NTN1: variants seen among roughly 807,000 people sequenced by gnomAD.
NTN1 encodes netrin-1.
Under a neutral mutation model 54.2 loss-of-function variants are expected in NTN1, and 11 were observed. The observed-to-expected ratio is 0.20, with a 90% confidence interval of 0.13 to 0.34. The LOEUF (loss-of-function observed/expected upper bound fraction) is 0.34. Ranked by LOEUF, NTN1 falls within the 10% of genes least tolerant of loss-of-function variation. The pLI is 1.00. For missense variants in NTN1, 740 were observed against 893.1 expected, an observed-to-expected ratio of 0.83 and a Z score of 2.18; for synonymous variants, 371 against 382.0, an observed-to-expected ratio of 0.97 and a Z score of 0.33.
chr17:9,209,725 C>T (rs532841463), intron 5 of NTN1, among the ~76,000 whole-genome samples: 1 of 152,212 alleles, frequency 6.6e-6, no homozygotes, highest in Non-Finnish European at 1.5e-5. Flanking sequence ...GGAAGAGGAC[C>T]CAGTGCTTCA....
intron 2 of NTN1, among the ~76,000 whole-genome samples, chr17:9,052,267 G>A (rs1361913809): frequency 6.6e-6 from 1 of 152,140 alleles, no homozygotes; most frequent in African/African-American, 2.4e-5. Flanking sequence ...CACCACTCCC[G>A]GCCCCAAAGG....
chr17:9,232,381 C>T (rs1196350355), intron 6 of NTN1, among the ~76,000 whole-genome samples: 1 of 152,210 alleles, frequency 6.6e-6, no homozygotes, highest in Non-Finnish European at 1.5e-5. Flanking sequence ...CAGAGCTGGA[C>T]AGGCCAGGCC....
At chr17:9,176,339 G>A (rs895490075) in intron 3 of NTN1, 3 of 152,412 alleles carry the variant, frequency 2.0e-5, no homozygotes, top group African/African-American at 7.2e-5. Context: ...GTATCTGTGT[G>A]TTTCTGGGAA....
At chr17:9,201,579 C>T (rs1469632609) in intron 5 of NTN1, among the ~76,000 whole-genome samples, 1 of 152,254 alleles carries the variant, frequency 6.6e-6, no homozygotes, top group Non-Finnish European at 1.5e-5. Context: ...GCCTCTCACA[C>T]ATATGGCCTC....
chr17:9,167,564 T>C (rs1311455557), intron 3 of NTN1, among the ~76,000 whole-genome samples: 1 of 152,180 alleles, frequency 6.6e-6, no homozygotes, highest in African/African-American at 2.4e-5. Flanking sequence ...CTTTCCCCCT[T>C]TCAAGCCCAC....
At chr17:9,095,348 T>TTA (rs1217075842) in intron 2 of NTN1, among the ~76,000 whole-genome samples, 4 of 152,222 alleles carry the variant, frequency 2.6e-5, no homozygotes, top group Admixed American at 2.0e-4. Flanking sequence ...CAATAAGAGG[T>TTA]TATAAGATAT....
intron 2 of NTN1, among the ~76,000 whole-genome samples, chr17:9,156,729 C>G (rs897162198): frequency 4.6e-5 from 7 of 152,198 alleles, no homozygotes; most frequent in Admixed American, 4.6e-4. Context: ...TCTACTTGAG[C>G]AGACAGAAGT....
rs1905358519 is a variant in NTN1 at position 9,221,643 on chromosome 17, G to A, written c.1486+401G>A. Among the ~76,000 whole-genome samples the A allele has an allele frequency of 6.6e-6, 1 of 152,226 alleles. No individual in the cohort carries two copies. Among genetic ancestry groups the A allele is most frequent in the Admixed American group, 6.5e-5 (1 of 15,288 alleles). ...GGAAGCTCTCTGGGCATCAGACAAG[G>A]GCTGGGAGCTCCCCGGTGCATTTCC... On this transcript the variant is annotated intron_variant, in intron 6 of 6. Coordinates refer to ENST00000173229, the MANE Select transcript of NTN1 (RefSeq NM_004822.3). The surrounding 1 kb of genome is among the most constrained non-coding windows in gnomAD (Gnocchi z 4.5).
At chr17:9,024,138 C>T (rs1158682505) in intron 2 of NTN1, among the ~76,000 whole-genome samples, 1 of 152,110 alleles carries the variant, frequency 6.6e-6, no homozygotes, top group Non-Finnish European at 1.5e-5. Flanking sequence ...ACTAAGGGTC[C>T]AGCTTCTCAC....
chr17:9,131,581 CTTTTT>C (rs11361363), intron 2 of NTN1, among the ~76,000 whole-genome samples: 1 of 134,066 alleles, frequency 7.5e-6, no homozygotes, highest in Non-Finnish European at 1.6e-5. Flanking sequence ...TCCCTTGATG[CTTTTT>C]TTTTTTTTTT....
chr17:9,202,694 T>C (rs1034211229), intron 5 of NTN1, among the ~76,000 whole-genome samples: 6 of 152,036 alleles, frequency 3.9e-5, no homozygotes, highest in African/African-American at 7.2e-5. Flanking sequence ...GGAGTGGAAA[T>C]CTCTTCCAAA....
At position 9,235,965 on chromosome 17, in the gene NTN1, A is replaced by T. The variant is rs980518215; in HGVS notation, c.1487-3675A>T. On this transcript the variant is annotated intron_variant, in intron 6 of 6. Transcript: ENST00000173229. ...CAATCTGCCTGCCTCGGCCTCCCAA[A>T]GTGCTGGGATTACAGGCGTGAGCCA... Among the ~76,000 whole-genome samples the T allele has an allele frequency of 1.4e-4, 21 of 152,104 alleles. No homozygotes were observed. The South Asian group carries it at 1.5e-3, about 11-fold the overall frequency.
chr17:9,182,921 C>A lies in NTN1; in HGVS notation c.1363C>A (p.Pro455Thr). 6.2e-7 allele frequency: 1 copy of A among 1,614,126 alleles called. No individual in the cohort carries two copies. The highest frequency in any genetic ancestry group is 1.3e-5 in the African/African-American group (1 of 75,022). ...CCGTCTTGAACCTCACAAAGAGATC[C>A]CTGTAGCGCCGCCGACGACTGCAGC... ...RSPIAPCIKIPVAPPTTAASS... is the reference protein window; with the variant it reads ...RSPIAPCIKITVAPPTTAASS... The change falls in exon 5 of 7, where the codon CCT becomes ACT. Residue 455 changes from proline to threonine, a missense_variant. By Grantham distance (38) the Pro-to-Thr change is conservative. Coordinates refer to ENST00000173229, the MANE Select transcript of NTN1 (RefSeq NM_004822.3).
intron 2 of NTN1, among the ~76,000 whole-genome samples, chr17:9,097,368 T>C (rs1052753028): frequency 6.6e-6 from 1 of 152,156 alleles, no homozygotes; most frequent in African/African-American, 2.4e-5. Context: ...CTCAAGCCTA[T>C]AATCCCAGCA....
At chr17:9,157,015 A>C (rs2092344808) in intron 2 of NTN1, among the ~76,000 whole-genome samples, 1 of 124,834 alleles carries the variant, frequency 8.0e-6, no homozygotes, top group Non-Finnish European at 1.6e-5. Flanking sequence ...CCCTCTCTCC[A>C]TCTATCCATC....
intron 6 of NTN1, among the ~76,000 whole-genome samples, chr17:9,225,516 G>A (rs1229945239): frequency 1.3e-5 from 2 of 152,222 alleles, no homozygotes; most frequent in African/African-American, 4.8e-5. Flanking sequence ...GCTGAGGCAA[G>A]GCCTCCAGTG....
intron 2 of NTN1, among the ~76,000 whole-genome samples, chr17:9,094,988 C>CAAAAAAA (rs71135941): frequency 6.0e-4 from 60 of 99,810 alleles, no homozygotes; most frequent in Non-Finnish European, 8.4e-4. Context: ...GACTCCGTCT[C>CAAAAAAA]AAAAAAAAAA....
intron 5 of NTN1, among the ~76,000 whole-genome samples, chr17:9,184,840 A>G (rs1369759866): frequency 6.6e-6 from 1 of 152,246 alleles, no homozygotes; most frequent in Non-Finnish European, 1.5e-5. Flanking sequence ...AAGCTGGTAT[A>G]AAACTTCCGA....
At chr17:9,141,777 TG>T (rs993719507) in intron 2 of NTN1, among the ~76,000 whole-genome samples, 1 of 151,992 alleles carries the variant, frequency 6.6e-6, no homozygotes, top group Non-Finnish European at 1.5e-5. Context: ...AAAACACAGT[TG>T]GGGCTGGGCA....
Sources: gnomAD v4.1 joint callset for allele counts (sites outside exome capture counted in the v4.1 genomes callset) on GRCh38, gnomAD v4.1.1 for gene constraint, Gnocchi (gnomAD v3.1) non-coding constraint, MANE v1.5 for transcripts, NCBI Gene and HGNC (gene_info 2026-07-23, HGNC 2026-07-21) for gene names.